The following SGCD variants were observed in gnomAD, a reference collection of about 807,000 sequenced individuals.
SGCD encodes delta-sarcoglycan.
SGCD carries 18 observed loss-of-function variants against 36.6 expected under a neutral mutation model. The ratio of observed to expected loss-of-function variants is 0.49; its 90% CI spans 0.34 to 0.73. The LOEUF is 0.73. SGCD is among the 30% of genes least tolerant of loss of function. The pLI is 0.01. For missense variants in SGCD, 387 were observed against 346.7 expected (o/e 1.12, Z -0.92); for synonymous variants, 133 against 130.6 (o/e 1.02, Z -0.12).
chr5:156,164,214 G>A (rs1313743773), intron 3 of SGCD, among the ~76,000 whole-genome samples: 2 of 151,400 alleles, frequency 1.3e-5, no homozygotes, highest in Non-Finnish European at 2.9e-5. Context: ...AAATGTGTGT[G>A]TATTTGAGCA....
At chr5:156,017,087 G>A (rs571281426) in intron 1 of SGCD, among the ~76,000 whole-genome samples, 2 of 152,244 alleles carry the variant, frequency 1.3e-5, no homozygotes, top group South Asian at 4.1e-4. Context: ...TTTGAATGTG[G>A]CCAACTAATG....
chr5:156,037,086 G>A (rs2127577284), intron 1 of SGCD, among the ~76,000 whole-genome samples: 1 of 152,292 alleles, frequency 6.6e-6, no homozygotes, highest in African/African-American at 2.4e-5. Flanking sequence ...AGAGTGCTCA[G>A]TAATTTTTAG....
chr5:156,229,275 T>C (rs367841187), intron 3 of SGCD, among the ~76,000 whole-genome samples: 6 of 55,104 alleles, frequency 1.1e-4, no homozygotes, highest in Admixed American at 7.8e-4. Flanking sequence ...TATATATACA[T>C]ACATATATAT....
intron 1 of SGCD, among the ~76,000 whole-genome samples, chr5:156,075,265 A>G (rs1041835803): frequency 6.6e-6 from 1 of 152,206 alleles, no homozygotes; most frequent in African/African-American, 2.4e-5. Context: ...AGCATTGGAA[A>G]TGATGCAAAG....
the SGCD span, among the ~76,000 whole-genome samples, chr5:155,825,737 T>TG: frequency 3.0e-3 from 430 of 143,928 alleles, 1 homozygote; most frequent in African/African-American, 6.4e-3. Flanking sequence ...TGTTTTTTTT[T>TG]TTTTGTTGTT....
chr5:156,169,848 A>T (rs1561548228), intron 3 of SGCD, among the ~76,000 whole-genome samples: 1 of 151,632 alleles, frequency 6.6e-6, no homozygotes, highest in East Asian at 1.9e-4. Context: ...AGTAAGGGGG[A>T]GTTGGTGGGT....
intron 4 of SGCD, among the ~76,000 whole-genome samples, chr5:156,536,383 T>C (rs1246715153): frequency 2.0e-5 from 3 of 152,184 alleles, no homozygotes; most frequent in Non-Finnish European, 4.4e-5. Flanking sequence ...AAACAGATTA[T>C]GCCAGGGCAG....
the SGCD span, among the ~76,000 whole-genome samples, chr5:155,728,271 G>GGCCGCTGCT: frequency 2.4e-4 from 37 of 152,172 alleles, no homozygotes; most frequent in African/African-American, 5.3e-4. Context: ...GGGAGGTGGC[G>GGCCGCTGCT]GCCGCTGCTG....
chr5:156,090,297 G>C (rs1475909513), intron 1 of SGCD, among the ~76,000 whole-genome samples: 1 of 152,134 alleles, frequency 6.6e-6, no homozygotes, highest in East Asian at 1.9e-4. Context: ...TTTCAACATA[G>C]GTTGCTTTCT....
At chr5:156,681,544 A>C (rs540145078) in intron 7 of SGCD, among the ~76,000 whole-genome samples, 2 of 152,294 alleles carry the variant, frequency 1.3e-5, no homozygotes, top group Non-Finnish European at 2.9e-5. Context: ...TTCCAGGCTT[A>C]AGGGTGGAGT....
chr5:155,974,483 G>A (rs1483649183), intron 1 of SGCD, among the ~76,000 whole-genome samples: 3 of 151,670 alleles, frequency 2.0e-5, no homozygotes, highest in Non-Finnish European at 4.4e-5. Context: ...TATTCCCACA[G>A]GTCACAATCC....
At chr5:156,486,567 C>T (rs1334519225) in intron 3 of SGCD, among the ~76,000 whole-genome samples, 2 of 152,144 alleles carry the variant, frequency 1.3e-5, no homozygotes, top group East Asian at 1.9e-4. Context: ...GGTCACCCAG[C>T]CCCACCCACT....
intron 3 of SGCD, among the ~76,000 whole-genome samples, chr5:156,206,184 C>A (rs1217997164): frequency 6.6e-6 from 1 of 151,632 alleles, no homozygotes; most frequent in Non-Finnish European, 1.5e-5. Flanking sequence ...CCAAGTTTTT[C>A]ATAAAAATGT....
At chr5:156,598,039 A>G (rs1761005798) in intron 6 of SGCD, among the ~76,000 whole-genome samples, 1 of 152,196 alleles carries the variant, frequency 6.6e-6, no homozygotes, top group African/African-American at 2.4e-5. Flanking sequence ...ACATTGCCCA[A>G]GATCAAGTGC....
chr5:156,673,706 A>G (rs1013477963), intron 7 of SGCD, among the ~76,000 whole-genome samples: 2 of 152,218 alleles, frequency 1.3e-5, no homozygotes, highest in African/African-American at 4.8e-5. Context: ...ATGCTAATAA[A>G]TTCAGGGTCT....
chr5:155,897,106 T>C (rs1233725131), intron 1 of SGCD, among the ~76,000 whole-genome samples: 1 of 152,100 alleles, frequency 6.6e-6, no homozygotes, highest in Non-Finnish European at 1.5e-5. Context: ...TTCATCTTAG[T>C]GCAAAAATCA....
At position 156,496,295 on chromosome 5, in the gene SGCD, C is replaced by A. The variant is rs138871516; in HGVS notation, c.193-12306C>A. 3.6e-3 allele frequency among the ~76,000 whole-genome samples: 554 copies of A among 152,198 alleles called. 3 individuals carry two copies. Among genetic ancestry groups the A allele is most frequent in the South Asian group, 0.018 (85 of 4,822 alleles). On this transcript the variant is annotated intron_variant, in intron 3 of 8. Coordinates refer to ENST00000337851, the MANE Select transcript of SGCD (RefSeq NM_000337.6). Reference sequence around the variant, plus strand: ...TTGAGAACAGAAGTGCTATATTCTTCCTGTAATTCCATGGAATGTGCTTAT... The same window carrying A: ...TTGAGAACAGAAGTGCTATATTCTTACTGTAATTCCATGGAATGTGCTTAT...
chr5:156,286,294 T>C (rs1175171069), intron 3 of SGCD, among the ~76,000 whole-genome samples: 1 of 152,162 alleles, frequency 6.6e-6, no homozygotes, highest in Non-Finnish European at 1.5e-5. Context: ...GAACTAGAAA[T>C]ACCATTTGAC....
chr5:156,545,394 G>T (rs1758530768), intron 4 of SGCD, among the ~76,000 whole-genome samples: 1 of 151,948 alleles, frequency 6.6e-6, no homozygotes, highest in Non-Finnish European at 1.5e-5. Context: ...GCTCAGTTTT[G>T]TCATCTAGCA....
Sources: allele counts gnomAD v4.1 joint callset (sites outside exome capture counted in the v4.1 genomes callset), GRCh38; gene constraint gnomAD v4.1.1; transcripts MANE v1.5; gene names NCBI Gene and HGNC (gene_info 2026-07-23, HGNC 2026-07-21).